The following CRYBB1 variants were observed in gnomAD, a reference collection of about 807,000 sequenced individuals.
The protein encoded by CRYBB1 is beta-crystallin B1.
CRYBB1 carries 16 observed loss-of-function variants against 29.5 expected under a neutral mutation model. The observed-to-expected ratio is 0.54, with a 90% CI of 0.37 to 0.82. The LOEUF is 0.82. Among genes scored for constraint, CRYBB1 ranks in the 40% least tolerant of loss-of-function variants. CRYBB1 has a pLI of 0.00. For missense variants in CRYBB1, 300 were observed against 350.5 expected (o/e 0.86, Z 1.15); for synonymous variants, 127 against 136.7 (o/e 0.93, Z 0.49).
intron 2 of CRYBB1, among the ~76,000 whole-genome samples, 158 bp downstream of exon 2, chr22:26,615,982 A>G (rs181523846): frequency 2.7e-4 from 41 of 152,192 alleles, no homozygotes; most frequent in South Asian, 4.2e-4. Flanking sequence ...GAAAAGGGAG[A>G]GTAAATAGAA....
intron 3 of CRYBB1, 57 bp from the exon 4 acceptor site, chr22:26,608,078 C>A (rs149632797): frequency 8.7e-6 from 14 of 1,613,032 alleles, no homozygotes; most frequent in Non-Finnish European, 1.0e-5. Flanking sequence ...TAGAAGCCCC[C>A]ACTCCCTACT....
chr22:26,606,160 C>T (rs1311674007), intron 4 of CRYBB1, among the ~76,000 whole-genome samples: 1 of 152,172 alleles, frequency 6.6e-6, no homozygotes, highest in Non-Finnish European at 1.5e-5. Flanking sequence ...GCCCTGGCTG[C>T]ACAGACGGAC....
intron 4 of CRYBB1, among the ~76,000 whole-genome samples, chr22:26,607,648 G>C (rs931222487): frequency 4.0e-5 from 6 of 151,562 alleles, no homozygotes; most frequent in African/African-American, 1.5e-4. Flanking sequence ...GAAGTTTTTA[G>C]CTCTAACTTG....
In CRYBB1 at chr22:26,616,140, C is replaced by A; in HGVS notation, c.180G>T (p.Arg60Ser). ...KAAELPPGNY[R>S]LVVFELENFQ... ...AGCCACTGCACCCCCAGGTCCTTAC[C>A]CTGTAGTTCCCAGGAGGCAGTTCCG... is the stretch of plus-strand genomic sequence containing the variant. The change falls in exon 2 of 6, where the codon AGG becomes AGT. Residue 60 changes from arginine (R) to serine (S), a missense_variant and splice_region_variant. Coordinates refer to ENST00000647684, the MANE Select transcript of CRYBB1 (RefSeq NM_001887.4). 3.1e-6 allele frequency: 5 copies of A among 1,613,888 alleles called. No homozygotes were observed. Among genetic ancestry groups the A allele is most frequent in the Non-Finnish European group, 4.2e-6 (5 of 1,179,786 alleles).
At chr22:26,609,784 C>T (rs1317866886) in intron 3 of CRYBB1, among the ~76,000 whole-genome samples, 2 of 152,152 alleles carry the variant, frequency 1.3e-5, no homozygotes, top group Non-Finnish European at 2.9e-5. Context: ...ACAGACAGAC[C>T]TGAATTCTAA....
intron 5 of CRYBB1, among the ~76,000 whole-genome samples, chr22:26,600,575 G>T (rs971781089): frequency 6.6e-6 from 1 of 152,196 alleles, no homozygotes. Flanking sequence ...TGTCTGTACA[G>T]TGGGGATGAT....
chr22:26,612,237 CA>C, intron 2 of CRYBB1, 47 bp from the exon 3 acceptor site: 2 of 1,284,718 alleles, frequency 1.6e-6, no homozygotes, highest in Non-Finnish European at 1.1e-6. Flanking sequence ...AGGGGGGAGT[CA>C]AAAATTCATT....
rs531275556 is a variant in CRYBB1 at position 26,601,925 on chromosome 22, A to G, written c.529T>C (p.Tyr177His). The stretch of plus-strand genomic sequence containing the variant: ...CTGCCCACGCGGTCACTGAAGCCGT[A>G]GACCCAGAGACTGGGTGCGTCGTCC... ...QGDDAPSLWV[Y>H]GFSDRVGSVK... The change falls in exon 5 of 6, where the codon TAC becomes CAC. Residue 177 changes from tyrosine to histidine, a missense_variant. Tyr to His is a moderately conservative substitution (Grantham distance 83). Coordinates refer to ENST00000647684, the MANE Select transcript of CRYBB1 (RefSeq NM_001887.4). The G allele has an allele frequency of 9.3e-6, 15 of 1,612,942 alleles. No individual in the cohort carries two copies. The East Asian group carries it at 2.2e-4, about 24-fold the overall frequency.
At chr22:26,602,653 G>A (rs879484375) in intron 4 of CRYBB1, among the ~76,000 whole-genome samples, 6 of 152,084 alleles carry the variant, frequency 3.9e-5, no homozygotes, top group Non-Finnish European at 8.8e-5. Flanking sequence ...GCTCAGAGAG[G>A]TCAAGCTTAT....
rs147148794 is a variant in CRYBB1, at chr22:26,600,127, C to T, written c.576-454G>A. 2.2e-3 allele frequency among the ~76,000 whole-genome samples: 328 copies of T among 152,142 alleles called. 1 individual carries two copies. The highest frequency in any genetic ancestry group is 7.5e-3 in the African/African-American group (312 of 41,498). On this transcript the variant is annotated intron_variant, in intron 5 of 5. Transcript: ENST00000647684. The stretch of plus-strand genomic sequence containing the variant: ...CAAAAAATTGGTTTTCTTGGCTGGG[C>T]GCGGTGGCTCAAGCCTGTAATCCCA...
intron 3 of CRYBB1, among the ~76,000 whole-genome samples, chr22:26,608,700 C>T (rs768228628): frequency 1.4e-4 from 22 of 151,726 alleles, no homozygotes; most frequent in Admixed American, 1.3e-4. Context: ...ATTAAATGAA[C>T]GACAGTCTCG....
chr22:26,617,897 A>C (rs1297632657), intron 1 of CRYBB1, 80 bp downstream of exon 1: 4 of 152,510 alleles, frequency 2.6e-5, no homozygotes, highest in Non-Finnish European at 5.9e-5. Context: ...TGGCACTGCT[A>C]TCTCTGCCTC....
At chr22:26,605,668 T>C (rs1928952933) in intron 4 of CRYBB1, among the ~76,000 whole-genome samples, 2 of 78,570 alleles carry the variant, frequency 2.5e-5, no homozygotes, top group South Asian at 8.3e-4. Context: ...GTTAGATGTG[T>C]CTCAAAAAAA....
chr22:26,616,904 C>G (rs1235661036), intron 1 of CRYBB1, among the ~76,000 whole-genome samples: 3 of 152,246 alleles, frequency 2.0e-5, no homozygotes, highest in African/African-American at 7.2e-5. Context: ...ATGGAGCCAG[C>G]AACTGGGCTT....
intron 3 of CRYBB1, 38 bp downstream of exon 3, chr22:26,612,034 G>C: frequency 6.9e-7 from 1 of 1,439,580 alleles, no homozygotes; most frequent in Non-Finnish European, 9.8e-7. Flanking sequence ...TCATTTTACT[G>C]TGGCAGAGAG....
intron 2 of CRYBB1, among the ~76,000 whole-genome samples, chr22:26,613,195 G>A (rs2145970168): frequency 6.6e-6 from 1 of 152,364 alleles, no homozygotes; most frequent in South Asian, 2.1e-4. Flanking sequence ...TAAGCCTCAT[G>A]TTTGGTTCCT....
intron 2 of CRYBB1, among the ~76,000 whole-genome samples, chr22:26,612,823 C>T (rs1325895514): frequency 1.3e-5 from 2 of 152,184 alleles, no homozygotes; most frequent in African/African-American, 2.4e-5. Context: ...CATTCCAGCT[C>T]GTTATTCTGT....
At chr22:26,612,987 C>G (rs1224178354) in intron 2 of CRYBB1, among the ~76,000 whole-genome samples, 2 of 152,138 alleles carry the variant, frequency 1.3e-5, no homozygotes, top group Non-Finnish European at 2.9e-5. Flanking sequence ...GTCTCCCTCT[C>G]TCTCTGCACT....
At chr22:26,614,284 T>C (rs867534716) in intron 2 of CRYBB1, among the ~76,000 whole-genome samples, 2 of 152,204 alleles carry the variant, frequency 1.3e-5, no homozygotes, top group Non-Finnish European at 2.9e-5. Flanking sequence ...AATAAAAACT[T>C]GCTGGTTTTT....
Sources: allele counts gnomAD v4.1 joint callset (sites outside exome capture counted in the v4.1 genomes callset), GRCh38; gene constraint gnomAD v4.1.1; transcripts MANE v1.5; gene names NCBI Gene and HGNC (gene_info 2026-07-23, HGNC 2026-07-21).